Variants in KIAA0232 observed in about 807,000 individuals in gnomAD.
KIAA0232 encodes the protein uncharacterized protein KIAA0232.
A neutral mutation model predicts 122.0 loss-of-function variants in KIAA0232; 27 were observed. That is an observed-to-expected ratio of 0.22 (90% CI 0.16 to 0.31). KIAA0232 has a LOEUF of 0.31. Ranked by LOEUF, KIAA0232 falls within the 10% of genes least tolerant of loss-of-function variation. The pLI is 1.00. For synonymous variants in KIAA0232, 613 were observed against 587.6 expected, an observed-to-expected ratio of 1.04 and a Z score of -0.63; for missense variants, 1,551 against 1,634.2, an observed-to-expected ratio of 0.95 and a Z score of 0.88.
intron 1 of KIAA0232, among the ~76,000 whole-genome samples, chr4:6,793,955 C>G (rs1717019415): frequency 6.6e-6 from 1 of 152,192 alleles, no homozygotes; most frequent in Non-Finnish European, 1.5e-5. Flanking sequence ...CATGTTCTTT[C>G]CGCTTCCCTA....
chr4:6,785,172 C>G (rs1369293808), intron 1 of KIAA0232, among the ~76,000 whole-genome samples: 2 of 152,062 alleles, frequency 1.3e-5, no homozygotes, highest in Admixed American at 6.5e-5. Context: ...CTCCTGACCT[C>G]GTGATCCGCC....
intron 2 of KIAA0232, among the ~76,000 whole-genome samples, chr4:6,806,271 G>A (rs935007193): frequency 1.1e-4 from 17 of 152,058 alleles, no homozygotes; most frequent in Non-Finnish European, 1.9e-4. Context: ...TTGATAACCT[G>A]TAAAAAAAAA....
At chr4:6,787,106 G>C (rs1000009897) in intron 1 of KIAA0232, among the ~76,000 whole-genome samples, 1 of 149,698 alleles carries the variant, frequency 6.7e-6, no homozygotes, top group Non-Finnish European at 1.5e-5. Context: ...TCTTGAACCC[G>C]GGAGGTGGAG....
chr4:6,864,925 A>T (rs1416751830), intron 7 of KIAA0232, among the ~76,000 whole-genome samples: 1 of 152,244 alleles, frequency 6.6e-6, no homozygotes, highest in East Asian at 1.9e-4. Flanking sequence ...AACAAATTAT[A>T]TCTCTATGGA....
chr4:6,815,480 G>A (rs193246917), intron 2 of KIAA0232, among the ~76,000 whole-genome samples: 65 of 152,250 alleles, frequency 4.3e-4, no homozygotes, highest in African/African-American at 1.1e-3. Flanking sequence ...CTGTACGTGG[G>A]TCATCTGCTA....
At chr4:6,801,083 T>C (rs1266378637) in intron 1 of KIAA0232, among the ~76,000 whole-genome samples, 1 of 152,190 alleles carries the variant, frequency 6.6e-6, no homozygotes, top group East Asian at 1.9e-4. Flanking sequence ...GGATGTGGAA[T>C]TGTCAGCATT....
intron 2 of KIAA0232, among the ~76,000 whole-genome samples, chr4:6,813,906 G>T (rs1717995387): frequency 6.6e-6 from 1 of 152,224 alleles, no homozygotes; most frequent in South Asian, 2.1e-4. Context: ...CTTGACGTCT[G>T]TTCTCGCCTT....
chr4:6,834,543 C>A (rs192208288), intron 3 of KIAA0232, among the ~76,000 whole-genome samples: 177 of 152,218 alleles, frequency 1.2e-3, no homozygotes, highest in Admixed American at 3.3e-3. Flanking sequence ...CAACATTTAC[C>A]CTAACAATCT....
intron 2 of KIAA0232, 138 bp from the exon 3 acceptor site, chr4:6,824,047 G>T: frequency 2.7e-6 from 1 of 370,394 alleles, no homozygotes. Flanking sequence ...AAAGATGATG[G>T]GGGGAAAAAT....
At position 6,883,230 on chromosome 4, in the gene KIAA0232, T is replaced by A. The variant is rs966011267; in HGVS notation, c.*2264T>A. The A allele has an allele frequency of 2.6e-5, 4 of 152,668 alleles. No homozygotes were observed. The highest frequency in any genetic ancestry group is 9.6e-5 in the African/African-American group (4 of 41,462). The allele number at this position is 152,668 out of a possible 1,614,324, so 9.5% of individuals were successfully genotyped here. A position where few individuals can be genotyped will look rare whatever the true frequency, so the allele number is the denominator to read the frequency against. On this transcript the variant is annotated 3_prime_UTR_variant, in exon 10 of 10. Coordinates refer to ENST00000307659, the MANE Select transcript of KIAA0232 (RefSeq NM_014743.3). ...GAAGCGCATTGCATTTCCATAGCAC[T>A]GAAGTACCAGTTTCCATTCCTGGGC...
chr4:6,787,492 C>G (rs1716680672), intron 1 of KIAA0232, among the ~76,000 whole-genome samples: 1 of 152,196 alleles, frequency 6.6e-6, no homozygotes, highest in African/African-American at 2.4e-5. Context: ...CACATCCTTA[C>G]ACAGATACAA....
intron 2 of KIAA0232, among the ~76,000 whole-genome samples, chr4:6,813,345 A>C (rs1238207571): frequency 6.6e-6 from 1 of 151,132 alleles, no homozygotes; most frequent in Non-Finnish European, 1.5e-5. Flanking sequence ...TTAAGTACTT[A>C]GATCTGTTTT....
chr4:6,860,592 T>C (rs537963542), intron 6 of KIAA0232, among the ~76,000 whole-genome samples: 1 of 152,342 alleles, frequency 6.6e-6, no homozygotes, highest in Admixed American at 6.5e-5. Context: ...TTCTTTCTTC[T>C]ACTATTTGTC....
rs1453921511 is a variant in KIAA0232 at position 6,862,852 on chromosome 4, G to A, written c.2470G>A (p.Val824Ile). 6.8e-6 allele frequency: 11 copies of A among 1,614,078 alleles called. No individual in the cohort carries two copies. In the Admixed American group the frequency reaches 1.7e-4, roughly 24 times the overall value. The change falls in exon 7 of 10, where the codon GTT becomes ATT. Residue 824 changes from valine to isoleucine, a missense_variant. By Grantham distance (29) the Val-to-Ile change is conservative (BLOSUM62 3). Coordinates refer to ENST00000307659, the MANE Select transcript of KIAA0232 (RefSeq NM_014743.3). ...SPHGDGYSSGVIKDIWTKMAD... is the reference protein window; with the variant it reads ...SPHGDGYSSGIIKDIWTKMAD... ...ACATGGAGATGGCTACAGCTCAGGGGTTATTAAAGACATTTGGACAAAGAT... is the reference window on the plus strand; with the variant it reads ...ACATGGAGATGGCTACAGCTCAGGGATTATTAAAGACATTTGGACAAAGAT...
chr4:6,858,613 A>G, intron 6 of KIAA0232, 107 bp downstream of exon 6: 2 of 668,080 alleles, frequency 3.0e-6, no homozygotes, highest in South Asian at 2.2e-5. Flanking sequence ...GTTTCATTAT[A>G]TATAATGTAA....
chr4:6,792,016 C>A (rs778403514), intron 1 of KIAA0232, among the ~76,000 whole-genome samples: 23 of 152,152 alleles, frequency 1.5e-4, no homozygotes, highest in Non-Finnish European at 2.6e-4. Context: ...TTTTGACTGT[C>A]ACCATCCATG....
chr4:6,814,155 T>G (rs1476800006), intron 2 of KIAA0232, among the ~76,000 whole-genome samples: 1 of 152,166 alleles, frequency 6.6e-6, no homozygotes, highest in Admixed American at 6.5e-5. Context: ...GTATGGAGAT[T>G]GCTCTGCAGA....
chr4:6,842,357 T>C (rs78301894), intron 4 of KIAA0232, among the ~76,000 whole-genome samples, 153 bp downstream of exon 4: 1 of 152,168 alleles, frequency 6.6e-6, no homozygotes. Context: ...TCCTTTATGG[T>C]ATTTTTCTAT....
At chr4:6,837,096 G>C (rs1245937726) in intron 3 of KIAA0232, among the ~76,000 whole-genome samples, 1 of 151,594 alleles carries the variant, frequency 6.6e-6, no homozygotes, top group Non-Finnish European at 1.5e-5. Flanking sequence ...GGGCAGAGGG[G>C]CCCCCACCTC....
Sources: gnomAD v4.1 joint callset for allele counts (sites outside exome capture counted in the v4.1 genomes callset) on GRCh38, gnomAD v4.1.1 for gene constraint, MANE v1.5 for transcripts, NCBI Gene and HGNC (gene_info 2026-07-23, HGNC 2026-07-21) for gene names.